ETFA: variants seen among roughly 807,000 people sequenced by gnomAD.
ETFA encodes the protein electron transfer flavoprotein subunit alpha, mitochondrial.
A neutral mutation model predicts 46.2 loss-of-function variants in ETFA; 22 were observed. The ratio of observed to expected loss-of-function variants is 0.48; its 90% CI spans 0.34 to 0.68. The LOEUF (loss-of-function observed/expected upper bound fraction) is 0.68. Among genes scored for constraint, ETFA ranks in the 30% least tolerant of loss-of-function variants. ETFA has a pLI of 0.01. For missense variants in ETFA, 345 were observed against 401.1 expected, an observed-to-expected ratio of 0.86 and a Z score of 1.19; for synonymous variants, 131 against 139.9, an observed-to-expected ratio of 0.94 and a Z score of 0.45.
chr15:76,251,744 G>A (rs760220109), intron 9 of ETFA, among the ~76,000 whole-genome samples: 4 of 152,122 alleles, frequency 2.6e-5, no homozygotes, highest in Non-Finnish European at 4.4e-5. Flanking sequence ...TTCCTTTGAA[G>A]AAGGGTTCTA....
At chr15:76,274,034 A>C (rs562850685) in intron 9 of ETFA, 1 of 213,738 alleles carries the variant, frequency 4.7e-6, no homozygotes, top group Admixed American at 5.2e-5. Context: ...TCTGTTCATT[A>C]AAATAGGTTC....
chr15:76,236,425 TATC>T (rs1040612745), intron 9 of ETFA, among the ~76,000 whole-genome samples: 2 of 152,246 alleles, frequency 1.3e-5, no homozygotes, highest in Non-Finnish European at 2.9e-5. Flanking sequence ...GCTTAGAGGT[TATC>T]ATACTGGGCA....
chr15:76,241,567 G>A (rs1462238569), intron 9 of ETFA, among the ~76,000 whole-genome samples: 1 of 152,020 alleles, frequency 6.6e-6, no homozygotes, highest in Non-Finnish European at 1.5e-5. Flanking sequence ...TTGGGAGGCT[G>A]AGGCAGGCGG....
At chr15:76,241,669 C>T (rs1391779610) in intron 9 of ETFA, among the ~76,000 whole-genome samples, 3 of 149,592 alleles carry the variant, frequency 2.0e-5, no homozygotes, top group Non-Finnish European at 3.0e-5. Flanking sequence ...GCATGGGGGG[C>T]GGGCCCCTGT....
At chr15:76,243,996 C>T (rs2456071) in intron 9 of ETFA, among the ~76,000 whole-genome samples, 103,313 of 151,716 alleles carry the variant, frequency 0.68, 35,640 homozygotes, top group Middle Eastern at 0.79. Context: ...AAGCAATTCT[C>T]GTGCCTCAGC....
Position 76,286,367 on chromosome 15 carries a change from T to G in ETFA, c.562+4A>C. 8 of 1,578,012 alleles carry G rather than the reference T, an allele frequency of 5.1e-6. No individual in the cohort carries two copies. Among genetic ancestry groups the G allele is most frequent in the Non-Finnish European group, 7.0e-6 (8 of 1,147,544 alleles). Reference sequence around the variant, plus strand: ...AAACAAAAAAACTCCAAATGAACACTCACCCTTTTCTGAACTGGCACTACC... The same window carrying G: ...AAACAAAAAAACTCCAAATGAACACGCACCCTTTTCTGAACTGGCACTACC... On this transcript the variant is annotated splice_donor_region_variant and intron_variant, in intron 6 of 11. Transcript: ENST00000557943.
chr15:76,226,708 CT>C (rs2039008148), intron 10 of ETFA, among the ~76,000 whole-genome samples: 6 of 152,066 alleles, frequency 3.9e-5, no homozygotes, highest in Admixed American at 3.9e-4. Context: ...GAAACCCCGT[CT>C]CTACTAAAAA....
At chr15:76,298,103 C>T (rs973490178) in intron 1 of ETFA, among the ~76,000 whole-genome samples, 2 of 150,822 alleles carry the variant, frequency 1.3e-5, no homozygotes, top group Non-Finnish European at 2.9e-5. Flanking sequence ...AGTGCAGTGG[C>T]GTGCTCTTGA....
At chr15:76,226,942 T>G (rs572869718) in intron 10 of ETFA, among the ~76,000 whole-genome samples, 1 of 152,330 alleles carries the variant, frequency 6.6e-6, no homozygotes, top group Admixed American at 6.5e-5. Flanking sequence ...TTCTGGGATA[T>G]TCTAACAATA....
intron 11 of ETFA, among the ~76,000 whole-genome samples, chr15:76,219,427 A>G (rs1342461200): frequency 6.6e-6 from 1 of 152,248 alleles, no homozygotes; most frequent in Non-Finnish European, 1.5e-5. Context: ...ATGGATTCTT[A>G]GATATGATGC....
Position 76,286,498 on chromosome 15 carries a change from A to G in ETFA, c.452-17T>C, listed in dbSNP as rs984685771. The stretch of plus-strand genomic sequence containing the variant: ...GAGCATTTCCTGAAACATACAATCT[A>G]TTTCTTAAAAGCAACAGCAAAAGGC... On this transcript the variant is annotated splice_polypyrimidine_tract_variant and intron_variant, in intron 5 of 11. Transcript: ENST00000557943. 2.6e-6 allele frequency: 4 copies of G among 1,552,028 alleles called. No homozygotes were observed. The highest frequency in any genetic ancestry group is 1.7e-5 in the Admixed American group (1 of 59,466).
At chr15:76,278,156 C>T (rs2039614539) in intron 8 of ETFA, among the ~76,000 whole-genome samples, 1 of 152,148 alleles carries the variant, frequency 6.6e-6, no homozygotes. Context: ...GAGATTTGAA[C>T]AACTCTCCTC....
At chr15:76,243,820 CA>C (rs150900759) in intron 9 of ETFA, among the ~76,000 whole-genome samples, 2 of 117,846 alleles carry the variant, frequency 1.7e-5, no homozygotes, top group African/African-American at 5.2e-5. Context: ...AACAAACAAA[CA>C]AAAAAAAAAC....
In ETFA at chr15:76,279,302, G is replaced by C. The variant is rs184399002; in HGVS notation, c.733+4455C>G. On this transcript the variant is annotated intron_variant, in intron 8 of 11. Transcript: ENST00000557943. ...TTTATTATTTATTTTTTTAGAGAGG[G>C]TCTTGTTCTGTCACCCAGGCTGGAG... 4.8e-3 allele frequency among the ~76,000 whole-genome samples: 725 copies of C among 152,206 alleles called. 5 individuals carry two copies. Among genetic ancestry groups the C allele is most frequent in the African/African-American group, 0.016 (644 of 41,518 alleles).
chr15:76,240,721 T>C (rs1319206968), intron 9 of ETFA, among the ~76,000 whole-genome samples: 1 of 148,348 alleles, frequency 6.7e-6, no homozygotes, highest in Non-Finnish European at 1.5e-5. Flanking sequence ...TGAAACAAGT[T>C]TTTTTTTTCT....
At chr15:76,290,088 T>G (rs2039744627) in intron 4 of ETFA, among the ~76,000 whole-genome samples, 1 of 152,210 alleles carries the variant, frequency 6.6e-6, no homozygotes, top group Non-Finnish European at 1.5e-5. Context: ...TACCAAGTGT[T>G]GACAATTAAG....
chr15:76,281,897 C>CTTTTTTTTTTTTTTTT (rs34309169), intron 8 of ETFA, among the ~76,000 whole-genome samples: 1 of 78,102 alleles, frequency 1.3e-5, no homozygotes, highest in African/African-American at 5.1e-5. Context: ...TACACGTATC[C>CTTTTTTTTTTTTTTTT]TTTTTTTTTT....
intron 9 of ETFA, chr15:76,260,249 T>C: frequency 8.3e-7 from 1 of 1,204,764 alleles, no homozygotes; most frequent in Non-Finnish European, 1.2e-6. Context: ...ACTTGGGCCT[T>C]TCTTGATTGA....
intron 10 of ETFA, chr15:76,227,830 G>C: frequency 2.2e-6 from 1 of 456,058 alleles, no homozygotes; most frequent in South Asian, 1.5e-5. Flanking sequence ...CCCTTAGAGG[G>C]GTTCCTCAGA....
Sources: allele counts gnomAD v4.1 joint callset (sites outside exome capture counted in the v4.1 genomes callset), GRCh38; gene constraint gnomAD v4.1.1; transcripts MANE v1.5; gene names NCBI Gene and HGNC (gene_info 2026-07-23, HGNC 2026-07-21).